Variants in SMIM13 observed in about 807,000 individuals in gnomAD.
SMIM13 encodes small integral membrane protein 13, also known as UPF0766 protein C6orf228.
In SMIM13, 3 loss-of-function variants were observed where a neutral mutation model predicts 5.9. The observed-to-expected ratio is 0.51, with a 90% CI of 0.23 to 1.31. The LOEUF is 1.31. Ranked by LOEUF, SMIM13 falls within the 40% of genes most tolerant of loss-of-function variation. The pLI is 0.18. For missense variants in SMIM13, 85 were observed against 109.9 expected (o/e 0.77, Z 1.01); for synonymous variants, 55 against 46.0 (o/e 1.19, Z -0.79).
At chr6:11,110,937 C>G (rs893313144) in intron 1 of SMIM13, among the ~76,000 whole-genome samples, 1 of 152,134 alleles carries the variant, frequency 6.6e-6, no homozygotes, top group Non-Finnish European at 1.5e-5. Context: ...GCAAACCATT[C>G]AAAAGCCAGG....
chr6:11,129,076 A>AAGG (rs1554119914), intron 1 of SMIM13, among the ~76,000 whole-genome samples: 10 of 121,518 alleles, frequency 8.2e-5, no homozygotes, highest in African/African-American at 3.1e-4. Context: ...TGCTACCGGG[A>AAGG]GCGGGGGGGG....
chr6:11,115,403 G>A (rs1160014256), intron 1 of SMIM13, among the ~76,000 whole-genome samples: 1 of 152,120 alleles, frequency 6.6e-6, no homozygotes, highest in East Asian at 1.9e-4. Flanking sequence ...GTGGTTGTTG[G>A]CAGGATTCAG....
intron 1 of SMIM13, among the ~76,000 whole-genome samples, chr6:11,101,190 G>A (rs960687534): frequency 4.6e-5 from 7 of 152,016 alleles, no homozygotes; most frequent in Non-Finnish European, 5.9e-5. Context: ...CTTAAATTGA[G>A]TTTTTAATTT....
intron 1 of SMIM13, among the ~76,000 whole-genome samples, chr6:11,118,306 G>A (rs1331010959): frequency 2.0e-5 from 3 of 152,226 alleles, no homozygotes; most frequent in Non-Finnish European, 4.4e-5. Context: ...AAGGGCACCA[G>A]CAGCTTTTGC....
chr6:11,115,187 A>G (rs577746670), intron 1 of SMIM13, among the ~76,000 whole-genome samples: 2 of 152,332 alleles, frequency 1.3e-5, no homozygotes, highest in Non-Finnish European at 1.5e-5. Flanking sequence ...GCATTTACAT[A>G]CAATTGCTAT....
chr6:11,108,363 G>A (rs1413815121), intron 1 of SMIM13, among the ~76,000 whole-genome samples: 2 of 152,208 alleles, frequency 1.3e-5, no homozygotes. Flanking sequence ...ATTTAATCCA[G>A]GAGCCAAGTG....
chr6:11,115,901 G>A (rs903967020), intron 1 of SMIM13, among the ~76,000 whole-genome samples: 21 of 150,908 alleles, frequency 1.4e-4, no homozygotes, highest in African/African-American at 5.1e-4. Context: ...TGGTCAGGCT[G>A]GTCTCGAACT....
At chr6:11,098,638 G>A (rs921366276) in intron 1 of SMIM13, among the ~76,000 whole-genome samples, 1 of 152,120 alleles carries the variant, frequency 6.6e-6, no homozygotes, top group Non-Finnish European at 1.5e-5. Context: ...TCACCATGTT[G>A]GCCAGGCTTG....
intron 1 of SMIM13, among the ~76,000 whole-genome samples, chr6:11,118,693 T>A (rs184061445): frequency 2.0e-5 from 3 of 152,320 alleles, no homozygotes; most frequent in Middle Eastern, 3.4e-3. Context: ...CTTAAAATTC[T>A]TAGTTACAGT....
intron 1 of SMIM13, among the ~76,000 whole-genome samples, chr6:11,125,141 G>GATT (rs1561759223): frequency 6.6e-6 from 1 of 151,536 alleles, no homozygotes; most frequent in East Asian, 1.9e-4. Context: ...AGCTGGGCAT[G>GATT]GTGGTGTGCG....
rs1407247250 is a variant in SMIM13, at chr6:11,135,195, A to G, written c.*593A>G. ...CAGAAAAGCATGGAAACAGAGCAGC[A>G]GGGCGTACATTTGATATTAGTGAAG... On this transcript the variant is annotated 3_prime_UTR_variant, in exon 2 of 2. Coordinates refer to ENST00000416247, the MANE Select transcript of SMIM13 (RefSeq NM_001135575.2). The G allele has an allele frequency of 6.6e-6, 1 of 152,646 alleles. No individual in the cohort carries two copies. Among genetic ancestry groups the G allele is most frequent in the Admixed American group, 6.5e-5 (1 of 15,278 alleles). 9.5% of individuals were successfully genotyped at this position (152,646 alleles called of 1,614,324 possible). A position where few individuals can be genotyped will look rare whatever the true frequency, so the allele number is the denominator to read the frequency against.
intron 1 of SMIM13, among the ~76,000 whole-genome samples, chr6:11,123,865 G>A (rs1221825059): frequency 6.6e-6 from 1 of 152,018 alleles, no homozygotes; most frequent in Non-Finnish European, 1.5e-5. Flanking sequence ...ATTATTGTAT[G>A]TATTTTTTAT....
chr6:11,131,732 A>G (rs1479152831), intron 1 of SMIM13, among the ~76,000 whole-genome samples: 4 of 152,296 alleles, frequency 2.6e-5, no homozygotes, highest in Non-Finnish European at 4.4e-5. Context: ...TCCTCATGCA[A>G]AAGGATGAAT....
intron 1 of SMIM13, among the ~76,000 whole-genome samples, chr6:11,113,842 G>A (rs1758201007): frequency 2.0e-5 from 3 of 152,030 alleles, no homozygotes; most frequent in African/African-American, 7.2e-5. Flanking sequence ...CTCCCAAAGT[G>A]CTGGGATTAC....
chr6:11,120,084 A>C (rs191136256), intron 1 of SMIM13, among the ~76,000 whole-genome samples: 1 of 152,350 alleles, frequency 6.6e-6, no homozygotes, highest in Admixed American at 6.5e-5. Context: ...GCTTTTTATA[A>C]ATGTGAAATT....
intron 1 of SMIM13, among the ~76,000 whole-genome samples, chr6:11,117,053 C>G (rs567133718): frequency 0.023 from 2,812 of 122,962 alleles, 42 homozygotes; most frequent in South Asian, 0.057. Flanking sequence ...TGCAGTGGCG[C>G]GATCTCGGCT....
At chr6:11,133,145 G>A (rs916785170) in intron 1 of SMIM13, among the ~76,000 whole-genome samples, 7 of 151,950 alleles carry the variant, frequency 4.6e-5, no homozygotes, top group Admixed American at 3.9e-4. Flanking sequence ...CCACTAATTC[G>A]CTCTGCCTGT....
chr6:11,115,871 G>C (rs1758232064), intron 1 of SMIM13, among the ~76,000 whole-genome samples: 1 of 151,176 alleles, frequency 6.6e-6, no homozygotes, highest in South Asian at 2.1e-4. Flanking sequence ...ATTTTTAGTA[G>C]AGACAGGGTT....
At chr6:11,126,484 T>G (rs529359984) in intron 1 of SMIM13, among the ~76,000 whole-genome samples, 1 of 152,364 alleles carries the variant, frequency 6.6e-6, no homozygotes, top group South Asian at 2.1e-4. Context: ...TCTGCTTGAT[T>G]TAAAAAAATT....
Sources: gnomAD v4.1 joint callset for allele counts (sites outside exome capture counted in the v4.1 genomes callset) on GRCh38, gnomAD v4.1.1 for gene constraint, MANE v1.5 for transcripts, NCBI Gene and HGNC (gene_info 2026-07-23, HGNC 2026-07-21) for gene names.